TRERF1: variants seen among roughly 807,000 people sequenced by gnomAD.
The protein encoded by TRERF1 is transcriptional-regulating factor 1.
Under a neutral mutation model 122.9 loss-of-function variants are expected in TRERF1, and 27 were observed. The ratio of observed to expected loss-of-function variants is 0.22; its 90% CI spans 0.16 to 0.30. The LOEUF (loss-of-function observed/expected upper bound fraction) is 0.30, where lower values mean the gene tolerates loss of function less well. Among genes scored for constraint, TRERF1 ranks in the 10% least tolerant of loss-of-function variants. The pLI, the probability that TRERF1 is intolerant of heterozygous loss-of-function variation, is 1.00. For missense variants in TRERF1, 1,248 were observed against 1,560.3 expected (o/e 0.80, Z 3.37); for synonymous variants, 636 against 641.7 (o/e 0.99, Z 0.13).
chr6:42,357,684 G>A (rs943171528), intron 3 of TRERF1, among the ~76,000 whole-genome samples: 3 of 152,174 alleles, frequency 2.0e-5, no homozygotes, highest in Non-Finnish European at 2.9e-5. Context: ...TCACACGGGC[G>A]AGCGAGCAGT....
chr6:42,263,525 A>G lies in TRERF1; in HGVS notation c.1679T>C (p.Leu560Pro), dbSNP rs1778627296. The G allele has an allele frequency of 6.4e-7, 1 of 1,565,878 alleles. No individual in the cohort carries two copies. The highest frequency in any genetic ancestry group is 8.7e-7 in the Non-Finnish European group (1 of 1,154,308). ...CGGCGGAGGCGGAGGCGGAGGCGGC[A>G]GTGGTGGCTGGGGCTGAGGCGGCAG... is the stretch of plus-strand genomic sequence containing the variant. Residue 560 changes from leucine to proline, a missense_variant, in exon 8 of 18, where the codon CTG (leucine) becomes CCG (proline). By Grantham distance (98) the Leu-to-Pro change is moderately conservative (BLOSUM62 -3). Coordinates refer to ENST00000372922, the Ensembl canonical transcript of TRERF1. The surrounding 1 kb of genome is among the most constrained non-coding windows in gnomAD (Gnocchi z 5.6).
At chr6:42,324,414 A>G (rs1325157112) in intron 3 of TRERF1, among the ~76,000 whole-genome samples, 6 of 152,274 alleles carry the variant, frequency 3.9e-5, no homozygotes, top group Admixed American at 3.9e-4. Context: ...TGTAAAATTC[A>G]TATGGAACCA....
At chr6:42,374,283 A>G (rs1384576254) in intron 2 of TRERF1, among the ~76,000 whole-genome samples, 1 of 152,168 alleles carries the variant, frequency 6.6e-6, no homozygotes, top group Non-Finnish European at 1.5e-5. Context: ...ACCACTGGCT[A>G]TATCAGCTGG....
At position 42,275,262 on chromosome 6, in the gene TRERF1, C is replaced by T. The variant is rs998546336; in HGVS notation, c.-258-5414G>A. ...TAACTGTTTTGCTCATTATGTGTAA[C>T]AATTTCTACTGGGTAATTTGTACCA... On this transcript the variant is annotated intron_variant, in intron 4 of 17. Coordinates refer to ENST00000372922, the Ensembl canonical transcript of TRERF1. The surrounding 1 kb of genome is among the most constrained non-coding windows in gnomAD (Gnocchi z 4.1). Among the ~76,000 whole-genome samples the T allele has an allele frequency of 1.3e-5, 2 of 152,196 alleles. No individual in the cohort carries two copies. Among genetic ancestry groups the T allele is most frequent in the African/African-American group, 2.4e-5 (1 of 41,464 alleles).
intron 3 of TRERF1, among the ~76,000 whole-genome samples, chr6:42,319,847 C>CATATAATA (rs1368835256): frequency 6.7e-6 from 1 of 149,648 alleles, no homozygotes. Context: ...ATTCAATAGA[C>CATATAATA]ATATAATAAT....
In TRERF1 at chr6:42,285,668, A is replaced by G. The variant is rs571810711; in HGVS notation, c.-259+14970T>C. 4.2e-3 allele frequency among the ~76,000 whole-genome samples: 640 copies of G among 151,406 alleles called. 2 individuals carry two copies. Among genetic ancestry groups the G allele is most frequent in the African/African-American group, 0.014 (591 of 41,220 alleles). ...TTGAAATACGTCCCATCAATACCTA[A>G]TTTATTGAGAGTTTTTAGCATGAAG... On this transcript the variant is annotated intron_variant, in intron 4 of 17. Transcript: ENST00000372922.
intron 4 of TRERF1, among the ~76,000 whole-genome samples, chr6:42,274,444 G>A (rs921673307): frequency 6.6e-6 from 1 of 152,172 alleles, no homozygotes; most frequent in African/African-American, 2.4e-5. Flanking sequence ...GGAGGCCAAG[G>A]CAGGGGGATT....
At position 42,337,555 on chromosome 6, in the gene TRERF1, AG is replaced by A. The variant is rs572268845; in HGVS notation, c.-371+25441del. Among the ~76,000 whole-genome samples, 12 of 152,250 alleles carry A rather than the reference AG, an allele frequency of 7.9e-5. No homozygotes were observed. In the East Asian group the frequency reaches 2.1e-3, roughly 27 times the overall value. On this transcript the variant is annotated intron_variant, in intron 3 of 17. Coordinates refer to ENST00000372922, the Ensembl canonical transcript of TRERF1. ...CAGCCACGCTCAAACCACTATCCGG[AG>A]GCAAAATGAGCCACAGACAGGCACG...
At chr6:42,328,084 C>A (rs142193552) in intron 3 of TRERF1, among the ~76,000 whole-genome samples, 6,008 of 146,974 alleles carry the variant, frequency 0.041, 284 homozygotes, top group East Asian at 0.23. Context: ...TGGCTCACTG[C>A]AACCTCCGCC....
intron 6 of TRERF1, among the ~76,000 whole-genome samples, chr6:42,265,379 A>C (rs1778962326): frequency 6.6e-6 from 1 of 152,234 alleles, no homozygotes; most frequent in Non-Finnish European, 1.5e-5. Context: ...GGCACTCAAT[A>C]AATACTGAAT....
intron 15 of TRERF1, among the ~76,000 whole-genome samples, chr6:42,238,867 ACAC>A (rs1561800655): frequency 1.7e-3 from 249 of 148,898 alleles, no homozygotes; most frequent in Middle Eastern, 0.01. Flanking sequence ...ACACACACAC[ACAC>A]AATTTCTAGT....
intron 8 of TRERF1, among the ~76,000 whole-genome samples, chr6:42,260,432 C>T (rs1415837977): frequency 2.0e-5 from 3 of 152,190 alleles, no homozygotes; most frequent in South Asian, 2.1e-4. Flanking sequence ...TTAATGGCAG[C>T]GGAACCAAGC....
intron 2 of TRERF1, among the ~76,000 whole-genome samples, chr6:42,394,693 A>T (rs1778286637): frequency 6.6e-6 from 1 of 152,228 alleles, no homozygotes; most frequent in Non-Finnish European, 1.5e-5. Flanking sequence ...ATGCAAAAAA[A>T]TTTCAATTCA....
exon 7 of TRERF1, chr6:42,264,825 T>C (rs1238231272): frequency 6.2e-7 from 1 of 1,614,202 alleles, no homozygotes; most frequent in Admixed American, 1.7e-5. Flanking sequence ...GGCATCAAAC[T>C]GCTCCCCAAA....
At chr6:42,277,905 G>GAAGAAGAAGAAGAAGAAGAA (rs1321566764) in intron 4 of TRERF1, among the ~76,000 whole-genome samples, 6 of 85,080 alleles carry the variant, frequency 7.1e-5, no homozygotes, top group Non-Finnish European at 1.2e-4. Context: ...GAAGGAAGAA[G>GAAGAAGAAGAAGAAGAAGAA]GAAGAAGAAG....
At chr6:42,308,410 GAA>G (rs1787660270) in intron 3 of TRERF1, among the ~76,000 whole-genome samples, 1 of 152,196 alleles carries the variant, frequency 6.6e-6, no homozygotes, top group Non-Finnish European at 1.5e-5. Flanking sequence ...GGAACATCCA[GAA>G]TAGGCCAAGG....
At chr6:42,238,859 ACACACACACAC>A (rs1561800484) in intron 15 of TRERF1, among the ~76,000 whole-genome samples, 5 of 150,422 alleles carry the variant, frequency 3.3e-5, no homozygotes, top group Non-Finnish European at 5.9e-5. Context: ...ACACACACAC[ACACACACACAC>A]AATTTCTAGT....
rs192575287 is a variant in TRERF1 at position 42,349,860 on chromosome 6, A to T, written c.-371+13137T>A. 4.6e-5 allele frequency among the ~76,000 whole-genome samples: 7 copies of T among 152,284 alleles called. No individual in the cohort carries two copies. In the East Asian group the frequency reaches 1.4e-3, roughly 29 times the overall value. ...CACTGATTTATTTTATATCTTAAAAAATTACTCAGGTCCTGCAGTACTGAG... is the reference window on the plus strand; with the variant it reads ...CACTGATTTATTTTATATCTTAAAATATTACTCAGGTCCTGCAGTACTGAG... On this transcript the variant is annotated intron_variant, in intron 3 of 17. Transcript: ENST00000372922.
intron 3 of TRERF1, among the ~76,000 whole-genome samples, chr6:42,347,985 G>A (rs1222817315): frequency 1.3e-5 from 2 of 152,218 alleles, no homozygotes; most frequent in African/African-American, 4.8e-5. Flanking sequence ...ATTACTGAAA[G>A]TGTTTCTAAA....
Sources: gnomAD v4.1 joint callset for allele counts (sites outside exome capture counted in the v4.1 genomes callset) on GRCh38, gnomAD v4.1.1 for gene constraint, Gnocchi (gnomAD v3.1) non-coding constraint, MANE v1.5 for transcripts, NCBI Gene and HGNC (gene_info 2026-07-23, HGNC 2026-07-21) for gene names.